CNTNAP2: variants seen among roughly 807,000 people sequenced by gnomAD.
CNTNAP2 encodes the protein contactin-associated protein-like 2.
Under a neutral mutation model 155.2 loss-of-function variants are expected in CNTNAP2, and 98 were observed. The ratio of observed to expected loss-of-function variants is 0.63; its 90% confidence interval spans 0.54 to 0.75. CNTNAP2 has a LOEUF of 0.75. Among genes scored for constraint, CNTNAP2 ranks in the 30% least tolerant of loss-of-function variants. The pLI, the probability that CNTNAP2 is intolerant of heterozygous loss-of-function variation, is 0.00. For missense variants in CNTNAP2, 1,727 were observed against 1,688.1 expected (o/e 1.02, Z -0.40); for synonymous variants, 651 against 631.2 (o/e 1.03, Z -0.47).
chr7:146,348,013 G>A (rs1239567524), intron 1 of CNTNAP2, among the ~76,000 whole-genome samples: 1 of 152,164 alleles, frequency 6.6e-6, no homozygotes, highest in African/African-American at 2.4e-5. Context: ...ACAAAAATCT[G>A]TGGGCCTTTA....
chr7:147,299,771 A>G (rs1219613699), intron 8 of CNTNAP2, among the ~76,000 whole-genome samples: 1 of 152,242 alleles, frequency 6.6e-6, no homozygotes, highest in Non-Finnish European at 1.5e-5. Context: ...CTAAGTTAAA[A>G]TAGCACATAA....
At chr7:146,312,917 C>A (rs1278914015) in intron 1 of CNTNAP2, among the ~76,000 whole-genome samples, 2 of 152,080 alleles carry the variant, frequency 1.3e-5, no homozygotes, top group African/African-American at 4.8e-5. Flanking sequence ...ATATAGTATT[C>A]CATAGTGTAT....
intron 1 of CNTNAP2, among the ~76,000 whole-genome samples, chr7:146,419,231 T>C (rs1795977727): frequency 2.0e-5 from 3 of 152,058 alleles, no homozygotes; most frequent in Admixed American, 2.0e-4. Flanking sequence ...AAACCTCTTA[T>C]AAATCCATCA....
intron 3 of CNTNAP2, among the ~76,000 whole-genome samples, chr7:146,986,742 G>T (rs1274046259): frequency 6.6e-6 from 1 of 151,958 alleles, no homozygotes; most frequent in Non-Finnish European, 1.5e-5. Flanking sequence ...ATTTGCGTTT[G>T]ATTTGCATTT....
At chr7:146,191,978 C>G (rs1359753034) in intron 1 of CNTNAP2, among the ~76,000 whole-genome samples, 1 of 152,162 alleles carries the variant, frequency 6.6e-6, no homozygotes, top group Admixed American at 6.5e-5. Flanking sequence ...AAAGTAAAGA[C>G]AGGCATAGGA....
intron 1 of CNTNAP2, among the ~76,000 whole-genome samples, chr7:146,578,961 A>G (rs997585076): frequency 2.0e-5 from 3 of 152,156 alleles, no homozygotes; most frequent in Admixed American, 2.0e-4. Flanking sequence ...ATTTTTTAAC[A>G]ATGTAAAACA....
intron 9 of CNTNAP2, among the ~76,000 whole-genome samples, chr7:147,316,431 A>G (rs1299986278): frequency 6.6e-6 from 1 of 152,172 alleles, no homozygotes; most frequent in East Asian, 1.9e-4. Flanking sequence ...ATCAAGGGAC[A>G]AGTTAGAAAT....
At chr7:147,647,031 A>G (rs2116935635) in intron 13 of CNTNAP2, among the ~76,000 whole-genome samples, 1 of 150,222 alleles carries the variant, frequency 6.7e-6, no homozygotes, top group Middle Eastern at 3.4e-3. Flanking sequence ...ACCAGGCTGG[A>G]GTGCAGTGGC....
At chr7:147,007,917 T>C (rs1363674212) in intron 3 of CNTNAP2, among the ~76,000 whole-genome samples, 1 of 152,082 alleles carries the variant, frequency 6.6e-6, no homozygotes, top group African/African-American at 2.4e-5. Flanking sequence ...TGAACTTCTC[T>C]CCCTAATCAT....
intron 15 of CNTNAP2, among the ~76,000 whole-genome samples, chr7:147,978,784 GC>G (rs1380755197): frequency 2.0e-5 from 3 of 152,060 alleles, no homozygotes; most frequent in Non-Finnish European, 2.9e-5. Flanking sequence ...AGAGTTCTAT[GC>G]TTTTGTGATT....
chr7:147,497,878 G>A (rs1020723233), intron 11 of CNTNAP2, among the ~76,000 whole-genome samples: 1 of 152,148 alleles, frequency 6.6e-6, no homozygotes, highest in Non-Finnish European at 1.5e-5. Context: ...TTGTCCAAAA[G>A]CACTATTTTT....
chr7:146,570,987 C>T (rs2129146073), intron 1 of CNTNAP2, among the ~76,000 whole-genome samples: 1 of 152,070 alleles, frequency 6.6e-6, no homozygotes, highest in East Asian at 1.9e-4. Context: ...AAAAATAAAT[C>T]TAGTGATGTT....
intron 13 of CNTNAP2, among the ~76,000 whole-genome samples, chr7:147,862,378 G>A (rs537590652): frequency 2.0e-4 from 27 of 134,868 alleles, no homozygotes; most frequent in Admixed American, 1.3e-3. Context: ...AAGACCATCC[G>A]AAATCACAGA....
At chr7:147,462,633 A>G (rs1237349871) in intron 10 of CNTNAP2, among the ~76,000 whole-genome samples, 1 of 152,250 alleles carries the variant, frequency 6.6e-6, no homozygotes, top group Non-Finnish European at 1.5e-5. Flanking sequence ...GTTGTCATAT[A>G]CCATAGTAAC....
rs561760097 is a variant in CNTNAP2 at position 147,390,808 on chromosome 7, G to A, written c.1499-4801G>A. 4.6e-5 allele frequency among the ~76,000 whole-genome samples: 7 copies of A among 152,162 alleles called. No homozygotes were observed. In the East Asian group the frequency reaches 1.4e-3, roughly 29 times the overall value. ...CTATACAGGCCGTAAATATTAGGAG[G>A]TATTTAAAATAACATAATTATAATG... On this transcript the variant is annotated intron_variant, in intron 9 of 23. Coordinates refer to ENST00000361727, the MANE Select transcript of CNTNAP2 (RefSeq NM_014141.6).
intron 22 of CNTNAP2, among the ~76,000 whole-genome samples, chr7:148,395,291 T>C (rs941230309): frequency 6.6e-6 from 1 of 152,110 alleles, no homozygotes; most frequent in South Asian, 2.1e-4. Flanking sequence ...CTCTCTCTTA[T>C]TTTCCTTCTT....
intron 2 of CNTNAP2, chr7:146,782,337 G>T (rs992805358): frequency 6.6e-6 from 1 of 152,162 alleles, no homozygotes; most frequent in Admixed American, 6.5e-5. Flanking sequence ...GGCATTTCAG[G>T]ATATTTGACA....
chr7:146,916,578 A>G (rs951158980), intron 3 of CNTNAP2, among the ~76,000 whole-genome samples: 2 of 152,086 alleles, frequency 1.3e-5, no homozygotes, highest in African/African-American at 4.8e-5. Context: ...ATTTCCAGGA[A>G]TTTATCCATC....
chr7:147,460,619 T>C (rs1584960921), intron 10 of CNTNAP2, among the ~76,000 whole-genome samples: 2 of 146,928 alleles, frequency 1.4e-5, no homozygotes, highest in East Asian at 3.9e-4. Context: ...AGGTCAGATT[T>C]GCCACATCAG....
Sources: gnomAD v4.1 joint callset for allele counts (sites outside exome capture counted in the v4.1 genomes callset) on GRCh38, gnomAD v4.1.1 for gene constraint, MANE v1.5 for transcripts, NCBI Gene and HGNC (gene_info 2026-07-23, HGNC 2026-07-21) for gene names.